The following KYAT1 variants were observed in gnomAD, a reference collection of about 807,000 sequenced individuals.
KYAT1 encodes kynurenine--oxoglutarate transaminase 1.
Under a neutral mutation model 52.4 loss-of-function variants are expected in KYAT1, and 47 were observed. The ratio of observed to expected loss-of-function variants is 0.90; its 90% confidence interval spans 0.71 to 1.14. The LOEUF (loss-of-function observed/expected upper bound fraction) is 1.14. KYAT1 is among the 50% of genes most tolerant of loss of function. The pLI is 0.00. For missense variants in KYAT1, 480 were observed against 557.9 expected (o/e 0.86, Z 1.41); for synonymous variants, 212 against 209.6 (o/e 1.01, Z -0.10).
intron 9 of KYAT1, 34 bp downstream of exon 9, chr9:128,835,745 C>T (rs769794749): frequency 1.8e-4 from 284 of 1,604,832 alleles, no homozygotes; most frequent in Non-Finnish European, 2.3e-4. Flanking sequence ...TTTGTTGTCC[C>T]CCCACTCCCC....
chr9:128,872,762 C>T (rs975358746), intron 1 of KYAT1, among the ~76,000 whole-genome samples: 5 of 148,820 alleles, frequency 3.4e-5, no homozygotes, highest in South Asian at 2.1e-4. Context: ...AGCGAGACTC[C>T]GTCTCAAAAG....
At chr9:128,873,973 A>C (rs1490973839) in intron 1 of KYAT1, among the ~76,000 whole-genome samples, 1 of 144,194 alleles carries the variant, frequency 6.9e-6, no homozygotes, top group Non-Finnish European at 1.5e-5. Flanking sequence ...GAATATTCTG[A>C]GGCCGGGCGT....
At chr9:128,843,067 T>C (rs1177732383) in intron 2 of KYAT1, among the ~76,000 whole-genome samples, 1 of 152,116 alleles carries the variant, frequency 6.6e-6, no homozygotes, top group East Asian at 1.9e-4. Flanking sequence ...CTTGGAAGGC[T>C]GAGGCAGAAG....
chr9:128,834,042 G>GC (rs1400019749), intron 11 of KYAT1, among the ~76,000 whole-genome samples: 3 of 152,210 alleles, frequency 2.0e-5, no homozygotes, highest in African/African-American at 4.8e-5. Context: ...TGGATCACCT[G>GC]AGGTCAGGAG....
intron 1 of KYAT1, chr9:128,847,539 G>A: frequency 3.9e-6 from 6 of 1,530,776 alleles, no homozygotes; most frequent in Non-Finnish European, 5.3e-6. Context: ...GCCTCCCAGA[G>A]CCTTGGGGCA....
intron 1 of KYAT1, among the ~76,000 whole-genome samples, chr9:128,859,650 CA>C (rs1365619419): frequency 6.7e-6 from 1 of 149,046 alleles, no homozygotes; most frequent in Non-Finnish European, 1.5e-5. Flanking sequence ...CTTGCCCAGC[CA>C]TTTTTTTTTT....
chr9:128,846,967 A>G, intron 1 of KYAT1: 3 of 1,017,102 alleles, frequency 2.9e-6, no homozygotes, highest in Non-Finnish European at 2.8e-6. Context: ...CTAACAGATG[A>G]GGACACTGAG....
chr9:128,846,531 G>C (rs1833119126), intron 1 of KYAT1: 1 of 549,726 alleles, frequency 1.8e-6, no homozygotes, highest in African/African-American at 2.0e-5. Flanking sequence ...CCTGGGAGAT[G>C]GAGATTGCAG....
chr9:128,835,265 T>G, intron 11 of KYAT1, 58 bp downstream of exon 11: 3 of 1,462,626 alleles, frequency 2.1e-6, no homozygotes, highest in Non-Finnish European at 2.9e-6. Flanking sequence ...CTGGGCACCC[T>G]TGAGCAGCAC....
rs1040909112 is a variant in KYAT1 at position 128,848,765 on chromosome 9, C to T, written c.-6-3354G>A. Among the ~76,000 whole-genome samples the T allele has an allele frequency of 8.9e-5, 13 of 146,654 alleles. No individual in the cohort carries two copies. In the East Asian group the frequency reaches 1.2e-3, roughly 14 times the overall value. ...TTAGGAGGTGGAGGATGCAGTGAGCCGAGATCACGCCACTCACTGCACTCC... is the reference window on the plus strand; with the variant it reads ...TTAGGAGGTGGAGGATGCAGTGAGCTGAGATCACGCCACTCACTGCACTCC... On this transcript the variant is annotated intron_variant, in intron 1 of 12. Transcript: ENST00000302586.
intron 6 of KYAT1, among the ~76,000 whole-genome samples, chr9:128,837,461 G>A (rs1469446826): frequency 6.6e-6 from 1 of 152,222 alleles, no homozygotes; most frequent in African/African-American, 2.4e-5. Context: ...TCACTGGGAA[G>A]TGATGGTGGC....
intron 3 of KYAT1, 91 bp from the exon 4 acceptor site, chr9:128,838,458 G>A (rs1295292824): frequency 1.3e-6 from 2 of 1,503,166 alleles, no homozygotes; most frequent in Non-Finnish European, 1.8e-6. Flanking sequence ...CCTTCCAGCA[G>A]CAGGCCTGGG....
At position 128,835,400 on chromosome 9, in the gene KYAT1, T is replaced by A. The variant is rs146402491; in HGVS notation, c.1045A>T (p.Arg349Trp). 1 of 1,613,902 alleles carries A rather than the reference T, an allele frequency of 6.2e-7. No homozygotes were observed. The highest frequency in any genetic ancestry group is 8.5e-7 in the Non-Finnish European group (1 of 1,179,996). ...FLITDISDFK[R>W]KMPDLPGAVD... ...GCTCCAGGCAAGTCAGGCATCTTCC[T>A]CTCTGGGAGACAGAGGCCACACTGA... Residue 349 changes from arginine to tryptophan, a missense_variant and splice_region_variant, in exon 11 of 13, where the codon AGG (arginine) becomes TGG (tryptophan). By Grantham distance (101) the Arg-to-Trp change is moderately radical (BLOSUM62 -3). Coordinates refer to ENST00000302586, the MANE Select transcript of KYAT1 (RefSeq NM_004059.5).
In KYAT1 at chr9:128,871,332, CAAAACAAACA is replaced by C. The variant is rs375235154; in HGVS notation, c.-7+10555_-7+10564del. 3.3e-3 allele frequency among the ~76,000 whole-genome samples: 496 copies of C among 151,682 alleles called. 2 individuals carry two copies. The highest frequency in any genetic ancestry group is 0.011 in the African/African-American group (457 of 41,376). On this transcript the variant is annotated intron_variant, in intron 1 of 12. Transcript: ENST00000302586. ...GACCTTGTCTTAAAACAAAACAAAACAAAACAAACAAAAACAAACAAAAAGGGCAGGTTGA... is the reference window on the plus strand; with the variant it reads ...GACCTTGTCTTAAAACAAAACAAAACAAAACAAACAAAAAGGGCAGGTTGA...
intron 1 of KYAT1, among the ~76,000 whole-genome samples, chr9:128,874,988 G>C (rs1837770372): frequency 2.0e-5 from 3 of 152,078 alleles, no homozygotes; most frequent in Admixed American, 2.0e-4. Context: ...GCCTCCCAAA[G>C]TGCTGGGATT....
At chr9:128,846,140 G>A (rs995858149) in intron 1 of KYAT1, among the ~76,000 whole-genome samples, 5 of 152,188 alleles carry the variant, frequency 3.3e-5, no homozygotes, top group Admixed American at 3.3e-4. Flanking sequence ...TGCAGAAACT[G>A]GCCAGGGGCT....
At chr9:128,873,074 T>TAAAAA (rs549497155) in intron 1 of KYAT1, among the ~76,000 whole-genome samples, 1 of 118,722 alleles carries the variant, frequency 8.4e-6, no homozygotes. Context: ...AGACTCCATT[T>TAAAAA]AAAAAAAAAA....
intron 7 of KYAT1, among the ~76,000 whole-genome samples, chr9:128,836,506 C>G (rs1020371161): frequency 1.3e-5 from 2 of 152,042 alleles, no homozygotes; most frequent in African/African-American, 4.8e-5. Flanking sequence ...ACCATGTTGG[C>G]CAGGCTGGTC....
chr9:128,836,514 G>T (rs1463813252), intron 7 of KYAT1, among the ~76,000 whole-genome samples: 1 of 152,000 alleles, frequency 6.6e-6, no homozygotes, highest in Non-Finnish European at 1.5e-5. Flanking sequence ...GGCCAGGCTG[G>T]TCTCAAACTC....
Sources: allele counts gnomAD v4.1 joint callset (sites outside exome capture counted in the v4.1 genomes callset), GRCh38; gene constraint gnomAD v4.1.1; transcripts MANE v1.5; gene names NCBI Gene and HGNC (gene_info 2026-07-23, HGNC 2026-07-21).